The following PSD3 variants were observed in gnomAD, a reference collection of about 807,000 sequenced individuals.
The protein encoded by PSD3 is pleckstrin and Sec7 domain containing 3.
Under a neutral mutation model 105.5 loss-of-function variants are expected in PSD3, and 49 were observed. The observed-to-expected ratio is 0.46, with a 90% confidence interval of 0.37 to 0.59. The LOEUF (loss-of-function observed/expected upper bound fraction) is 0.59. Ranked by LOEUF, PSD3 falls within the 20% of genes least tolerant of loss-of-function variation. PSD3 has a pLI of 0.00. For missense variants in PSD3, 1,561 were observed against 1,263.8 expected, an observed-to-expected ratio of 1.24 and a Z score of -3.57; for synonymous variants, 557 against 457.8, an observed-to-expected ratio of 1.22 and a Z score of -2.77.
At chr8:18,847,244 G>C (rs896428036) in intron 4 of PSD3, among the ~76,000 whole-genome samples, 1 of 152,144 alleles carries the variant, frequency 6.6e-6, no homozygotes, top group East Asian at 1.9e-4. Flanking sequence ...TACTGTCCTG[G>C]TGCTTCCCTT....
Position 18,535,731 on chromosome 8 carries a change from C to T in PSD3, c.*12G>A, listed in dbSNP as rs184480331. The T allele has an allele frequency of 3.8e-5, 61 of 1,591,770 alleles. No homozygotes were observed. The East Asian group carries it at 1.0e-3, about 26-fold the overall frequency. ...TGCTCCATGACCAGCACTTCCTGGC[C>T]GCAGATGGACTCTAAGTAACTTTTT... On this transcript the variant is annotated 3_prime_UTR_variant, in exon 16 of 16. Coordinates refer to ENST00000327040, the MANE Select transcript of PSD3 (RefSeq NM_015310.4).
chr8:18,757,494 T>C (rs543921707), intron 9 of PSD3, among the ~76,000 whole-genome samples: 2 of 152,188 alleles, frequency 1.3e-5, no homozygotes, highest in Non-Finnish European at 2.9e-5. Flanking sequence ...ATTAACTGCG[T>C]AGAGAAAATT....
At chr8:18,540,933 C>G (rs371276270) in intron 15 of PSD3, among the ~76,000 whole-genome samples, 1 of 151,986 alleles carries the variant, frequency 6.6e-6, no homozygotes, top group African/African-American at 2.4e-5. Context: ...CACTCCTATT[C>G]GAGGACCTGT....
intron 2 of PSD3, among the ~76,000 whole-genome samples, chr8:18,882,023 A>T (rs1818136588): frequency 6.6e-6 from 1 of 152,096 alleles, no homozygotes; most frequent in South Asian, 2.1e-4. Context: ...TCCTGGGCAA[A>T]CAGGGAGACC....
intron 11 of PSD3, among the ~76,000 whole-genome samples, chr8:18,609,446 G>T (rs570964904): frequency 1.3e-5 from 2 of 152,334 alleles, no homozygotes; most frequent in African/African-American, 2.4e-5. Flanking sequence ...TGAAAACAAA[G>T]ATATACTTAG....
intron 9 of PSD3, among the ~76,000 whole-genome samples, chr8:18,709,490 G>A (rs1034518829): frequency 6.6e-6 from 1 of 152,222 alleles, no homozygotes; most frequent in East Asian, 1.9e-4. Flanking sequence ...CTGCCAAGGG[G>A]CAGCCAGGCT....
chr8:18,765,967 C>CAAA (rs57448100), intron 8 of PSD3, among the ~76,000 whole-genome samples: 11 of 141,040 alleles, frequency 7.8e-5, no homozygotes, highest in Non-Finnish European at 1.2e-4. Flanking sequence ...GACTCCATCT[C>CAAA]AAAAAAAAAA....
chr8:18,668,188 C>T (rs1253217408), intron 9 of PSD3, among the ~76,000 whole-genome samples: 3 of 152,186 alleles, frequency 2.0e-5, no homozygotes, highest in Admixed American at 6.5e-5. Context: ...GCAGAGAGGC[C>T]GAGGGGTTGC....
chr8:18,670,207 A>G (rs1799699653), intron 9 of PSD3, among the ~76,000 whole-genome samples: 1 of 152,156 alleles, frequency 6.6e-6, no homozygotes, highest in Admixed American at 6.5e-5. Context: ...GGAGCGAGGT[A>G]AGCAGCTCCT....
At position 18,577,573 on chromosome 8, in the gene PSD3, C is replaced by T. The variant is rs139309877; in HGVS notation, c.2482-2288G>A. Among the ~76,000 whole-genome samples the T allele has an allele frequency of 5.9e-3, 887 of 151,574 alleles. 6 individuals are homozygous for T. The highest frequency in any genetic ancestry group is 6.3e-3 in the Non-Finnish European group (429 of 67,758). ...CATTTAGGTTTATAACTATCATCTT[C>T]CTTATAACTATGTGCCACTTATTAC... On this transcript the variant is annotated intron_variant, in intron 12 of 15. Coordinates refer to ENST00000327040, the MANE Select transcript of PSD3 (RefSeq NM_015310.4).
chr8:18,624,367 A>C (rs1806331687), intron 11 of PSD3, among the ~76,000 whole-genome samples: 1 of 151,946 alleles, frequency 6.6e-6, no homozygotes, highest in Non-Finnish European at 1.5e-5. Flanking sequence ...ATATGTCTTC[A>C]TATATGTATT....
intron 15 of PSD3, among the ~76,000 whole-genome samples, chr8:18,545,784 T>A (rs1800419174): frequency 6.6e-6 from 1 of 152,136 alleles, no homozygotes; most frequent in South Asian, 2.1e-4. Flanking sequence ...CAGAAGCACA[T>A]TCCCAGAGTT....
intron 2 of PSD3, among the ~76,000 whole-genome samples, chr8:18,905,541 C>T (rs187430559): frequency 1.3e-5 from 2 of 152,264 alleles, no homozygotes; most frequent in Admixed American, 6.5e-5. Context: ...AGGCTGGTCT[C>T]GAACTCCTGA....
chr8:18,572,246 A>C (rs1390458929), intron 14 of PSD3, among the ~76,000 whole-genome samples: 2 of 152,246 alleles, frequency 1.3e-5, no homozygotes, highest in Non-Finnish European at 2.9e-5. Flanking sequence ...CTGGCAGTTA[A>C]AACAAACAAA....
At chr8:19,003,450 T>A (rs1342443047) in intron 1 of PSD3, among the ~76,000 whole-genome samples, 3 of 151,986 alleles carry the variant, frequency 2.0e-5, no homozygotes, top group Non-Finnish European at 2.9e-5. Flanking sequence ...CTCACTCTCC[T>A]GAAATTCTTC....
intron 11 of PSD3, among the ~76,000 whole-genome samples, chr8:18,622,028 T>A (rs1269086858): frequency 6.6e-6 from 1 of 152,154 alleles, no homozygotes; most frequent in Non-Finnish European, 1.5e-5. Flanking sequence ...GGTGTGTAAA[T>A]CCCTCTAAAG....
At chr8:18,901,705 A>T (rs765669213) in intron 2 of PSD3, among the ~76,000 whole-genome samples, 1 of 152,110 alleles carries the variant, frequency 6.6e-6, no homozygotes, top group East Asian at 1.9e-4. Context: ...CACTTTTTGT[A>T]AGGTTGGCCT....
intron 1 of PSD3, among the ~76,000 whole-genome samples, chr8:18,983,810 G>C (rs1041896290): frequency 1.3e-5 from 2 of 151,498 alleles, no homozygotes; most frequent in East Asian, 3.9e-4. Flanking sequence ...ACTAGCCAGG[G>C]CAACATAGCC....
At chr8:18,611,061 C>T (rs1805227339) in intron 11 of PSD3, among the ~76,000 whole-genome samples, 1 of 152,018 alleles carries the variant, frequency 6.6e-6, no homozygotes, top group African/African-American at 2.4e-5. Context: ...CAGGCAGTAA[C>T]ATAAACAATG....
Sources: allele counts gnomAD v4.1 joint callset (sites outside exome capture counted in the v4.1 genomes callset), GRCh38; gene constraint gnomAD v4.1.1; transcripts MANE v1.5; gene names NCBI Gene and HGNC (gene_info 2026-07-23, HGNC 2026-07-21).